DNAH5: variants seen among roughly 807,000 people sequenced by gnomAD.
DNAH5 encodes dynein axonemal heavy chain 5, also known as axonemal beta dynein heavy chain 5.
DNAH5 carries 372 observed loss-of-function variants against 518.2 expected under a neutral mutation model. The ratio of observed to expected loss-of-function variants is 0.72; its 90% CI spans 0.66 to 0.78. DNAH5 has a LOEUF of 0.78. DNAH5 is among the 30% of genes least tolerant of loss of function. The probability of loss-of-function intolerance (pLI) is 0.00; values close to 1 mark genes in which losing one functional copy is unlikely to be tolerated. For synonymous variants in DNAH5, 2,039 were observed against 2,025.9 expected (o/e 1.01, Z -0.17); for missense variants, 5,523 against 5,687.0 (o/e 0.97, Z 0.93).
At chr5:13,849,070 T>G (rs549215092) in intron 31 of DNAH5, among the ~76,000 whole-genome samples, 2 of 152,368 alleles carry the variant, frequency 1.3e-5, no homozygotes, top group South Asian at 2.1e-4. Context: ...TTTTTTTATA[T>G]ACTTTAAGTT....
At chr5:13,864,337 A>G in intron 28 of DNAH5, 60 bp downstream of exon 28, 1 of 1,600,254 alleles carries the variant, frequency 6.2e-7, no homozygotes, top group Non-Finnish European at 8.5e-7. Context: ...TCCATAATAT[A>G]GAAATGTTAT....
At chr5:13,998,607 T>C (rs968120873) in intron 1 of DNAH5, among the ~76,000 whole-genome samples, 1 of 152,224 alleles carries the variant, frequency 6.6e-6, no homozygotes, top group African/African-American at 2.4e-5. Flanking sequence ...TTTTATTAAG[T>C]ACTTTATCTC....
At position 13,751,277 on chromosome 5, in the gene DNAH5, A is replaced by G; in HGVS notation, c.11029-17T>C. The stretch of plus-strand genomic sequence containing the variant: ...AACTTTCACCTTTTTTATAAAAAGA[A>G]ATTTAAAAGTAATAAAATAGAGATA... On this transcript the variant is annotated splice_polypyrimidine_tract_variant and intron_variant, in intron 64 of 78. Transcript: ENST00000265104. 10 of 1,592,410 alleles carry G rather than the reference A, an allele frequency of 6.3e-6. No individual in the cohort carries two copies. Among genetic ancestry groups the G allele is most frequent in the Non-Finnish European group, 8.6e-6 (10 of 1,168,020 alleles).
At chr5:13,863,622 T>C (rs145731325) in intron 28 of DNAH5, among the ~76,000 whole-genome samples, 1 of 152,240 alleles carries the variant, frequency 6.6e-6, no homozygotes, top group East Asian at 1.9e-4. Context: ...GCTTTACTAC[T>C]TCCCCTCTCA....
intron 30 of DNAH5, among the ~76,000 whole-genome samples, chr5:13,857,677 G>A (rs1767822228): frequency 6.6e-6 from 1 of 151,980 alleles, no homozygotes; most frequent in African/African-American, 2.4e-5. Flanking sequence ...ATAGACCAAG[G>A]GAACAGAACA....
intron 41 of DNAH5, 26 bp downstream of exon 41, chr5:13,820,320 A>C: frequency 1.2e-6 from 2 of 1,604,370 alleles, no homozygotes; most frequent in Admixed American, 1.7e-5. Flanking sequence ...GGGCCACCCC[A>C]GGCATTGACC....
intron 75 of DNAH5, among the ~76,000 whole-genome samples, chr5:13,711,398 C>A (rs2126472933): frequency 6.6e-6 from 1 of 152,242 alleles, no homozygotes; most frequent in East Asian, 1.9e-4. Context: ...ATGACAAACC[C>A]ACAACCAACA....
intron 1 of DNAH5, among the ~76,000 whole-genome samples, chr5:13,991,191 G>A (rs1783516636): frequency 6.6e-6 from 1 of 152,084 alleles, no homozygotes; most frequent in East Asian, 1.9e-4. Flanking sequence ...AGAGGGAAAG[G>A]GAAAATGCCT....
intron 50 of DNAH5, among the ~76,000 whole-genome samples, chr5:13,789,890 A>G (rs1403255518): frequency 6.6e-6 from 1 of 152,174 alleles, no homozygotes; most frequent in African/African-American, 2.4e-5. Flanking sequence ...TCCCCAAAAT[A>G]TCATTAACAG....
chr5:13,849,494 C>T (rs1766516478), intron 31 of DNAH5, among the ~76,000 whole-genome samples: 1 of 152,168 alleles, frequency 6.6e-6, no homozygotes, highest in Non-Finnish European at 1.5e-5. Context: ...TTGAGGACAA[C>T]AAAACGTAAT....
rs770940328 is a variant in DNAH5, at chr5:13,830,014, G to T, written c.6249+12C>A. 1.9e-6 allele frequency: 3 copies of T among 1,608,066 alleles called. No individual in the cohort carries two copies. Among genetic ancestry groups the T allele is most frequent in the Admixed American group, 1.7e-5 (1 of 59,718 alleles). ...AGGCTGAAATTCAGTAGCTTTTCTA[G>T]CAGCTCCTTACCATGGTTAAGAAAA... On this transcript the variant is annotated intron_variant, in intron 37 of 78. Coordinates refer to ENST00000265104, the MANE Select transcript of DNAH5 (RefSeq NM_001369.3).
chr5:13,804,713 G>C (rs1293285330), intron 47 of DNAH5, among the ~76,000 whole-genome samples: 1 of 152,210 alleles, frequency 6.6e-6, no homozygotes, highest in Non-Finnish European at 1.5e-5. Flanking sequence ...GAACAGTGGG[G>C]AATCTGGCTA....
chr5:13,826,359 A>G (rs1463316401), intron 38 of DNAH5, among the ~76,000 whole-genome samples: 1 of 152,188 alleles, frequency 6.6e-6, no homozygotes, highest in Non-Finnish European at 1.5e-5. Context: ...TATTTGAAAG[A>G]TAAGTGATAT....
intron 47 of DNAH5, among the ~76,000 whole-genome samples, chr5:13,799,082 T>C (rs771834036): frequency 7.9e-5 from 12 of 152,016 alleles, no homozygotes; most frequent in Non-Finnish European, 1.8e-4. Flanking sequence ...TTTTAATGAA[T>C]AATAGCAAGC....
intron 49 of DNAH5, 102 bp downstream of exon 49, chr5:13,793,413 C>T (rs1580273021): frequency 1.1e-6 from 1 of 943,890 alleles, no homozygotes; most frequent in East Asian, 2.4e-5. Flanking sequence ...CAAGGAGCCA[C>T]CCAGTGCTCT....
At chr5:13,902,019 T>C (rs1199813201) in intron 13 of DNAH5, 34 bp downstream of exon 13, 3 of 1,416,590 alleles carry the variant, frequency 2.1e-6, no homozygotes, top group African/African-American at 2.8e-5. Flanking sequence ...ACTATCCCAA[T>C]TTTAGAAAAT....
In DNAH5 at chr5:13,821,962, T is replaced by C. The variant is rs114683336; in HGVS notation, c.6687+1301A>G. 7.3e-3 allele frequency among the ~76,000 whole-genome samples: 1,108 copies of C among 152,166 alleles called. 14 individuals carry two copies. The highest frequency in any genetic ancestry group is 0.025 in the African/African-American group (1,046 of 41,496). On this transcript the variant is annotated intron_variant, in intron 40 of 78. Coordinates refer to ENST00000265104, the MANE Select transcript of DNAH5 (RefSeq NM_001369.3). ...GACATGCACCACTGCACCAGGCTAA[T>C]TTTTTAATTTATTTGTAGAGACGAG...
chr5:13,812,262 G>A (rs966983895), intron 43 of DNAH5, among the ~76,000 whole-genome samples: 3 of 152,094 alleles, frequency 2.0e-5, no homozygotes, highest in South Asian at 2.1e-4. Flanking sequence ...ACTCAGGGGG[G>A]AAAAGTAAAG....
intron 47 of DNAH5, among the ~76,000 whole-genome samples, chr5:13,797,535 A>T (rs1236026175): frequency 6.6e-6 from 1 of 152,322 alleles, no homozygotes; most frequent in South Asian, 2.1e-4. Flanking sequence ...AATGGCAATC[A>T]TTAAAAAGTC....
Sources: gnomAD v4.1 joint callset for allele counts (sites outside exome capture counted in the v4.1 genomes callset) on GRCh38, gnomAD v4.1.1 for gene constraint, MANE v1.5 for transcripts, NCBI Gene and HGNC (gene_info 2026-07-23, HGNC 2026-07-21) for gene names.